Variants in SLC35F1 observed in about 807,000 individuals in gnomAD.
SLC35F1 encodes the protein chromosome 6 open reading frame 169.
SLC35F1 carries 14 observed loss-of-function variants against 48.7 expected under a neutral mutation model. That is an observed-to-expected ratio of 0.29 (90% confidence interval 0.19 to 0.45). The LOEUF (loss-of-function observed/expected upper bound fraction) is 0.45. Ranked by LOEUF, SLC35F1 falls within the 20% of genes least tolerant of loss-of-function variation. SLC35F1 has a pLI of 1.00. For synonymous variants in SLC35F1, 190 were observed against 202.2 expected, an observed-to-expected ratio of 0.94 and a Z score of 0.51; for missense variants, 404 against 500.0, an observed-to-expected ratio of 0.81 and a Z score of 1.83.
rs975062333 is a variant in SLC35F1, at chr6:117,942,204, A to T, written c.173+34305A>T. On this transcript the variant is annotated intron_variant, in intron 1 of 7. Coordinates refer to ENST00000360388, the MANE Select transcript of SLC35F1 (RefSeq NM_001029858.4). ...TGGTGGTAGAGTGGGCTTGAATTCG[A>T]GTCTCACTGACACCAAGGCCCATGC... Among the ~76,000 whole-genome samples the T allele has an allele frequency of 5.9e-5, 9 of 152,150 alleles. No homozygotes were observed. The South Asian group carries it at 1.7e-3, about 28-fold the overall frequency.
chr6:118,137,945 T>C (rs11755798), intron 1 of SLC35F1, among the ~76,000 whole-genome samples: 55,843 of 151,986 alleles, frequency 0.37, 10,760 homozygotes, highest in Non-Finnish European at 0.43. Flanking sequence ...GGGATACTTC[T>C]GGGAGCATTT....
At chr6:118,291,716 C>T (rs430538) in intron 7 of SLC35F1, among the ~76,000 whole-genome samples, 17,694 of 152,098 alleles carry the variant, frequency 0.12, 1,383 homozygotes, top group African/African-American at 0.22. Flanking sequence ...TGGCATTGCT[C>T]TAAAGGGATA....
chr6:118,114,226 A>G (rs915914481), intron 1 of SLC35F1, among the ~76,000 whole-genome samples: 1 of 152,182 alleles, frequency 6.6e-6, no homozygotes, highest in African/African-American at 2.4e-5. Flanking sequence ...CCAAACACTT[A>G]ACCACTATAC....
chr6:118,235,703 CT>C, intron 3 of SLC35F1, 67 bp downstream of exon 3: 1 of 1,536,996 alleles, frequency 6.5e-7, no homozygotes, highest in South Asian at 1.2e-5. Context: ...CAGTTTAGTC[CT>C]TGAAAATCTC....
At chr6:118,163,535 A>G (rs1284315645) in intron 2 of SLC35F1, among the ~76,000 whole-genome samples, 1 of 152,182 alleles carries the variant, frequency 6.6e-6, no homozygotes, top group Non-Finnish European at 1.5e-5. Flanking sequence ...TTTAAACAGC[A>G]TATAAGCTCA....
chr6:118,297,029 C>T (rs1042404001), intron 7 of SLC35F1, among the ~76,000 whole-genome samples: 6 of 152,054 alleles, frequency 3.9e-5, no homozygotes, highest in African/African-American at 1.4e-4. Context: ...TGAAGCAGAA[C>T]CACTACTCTA....
intron 2 of SLC35F1, among the ~76,000 whole-genome samples, chr6:118,223,079 AG>A (rs1775171681): frequency 6.6e-6 from 1 of 152,244 alleles, no homozygotes; most frequent in Non-Finnish European, 1.5e-5. Flanking sequence ...ATTTTCAGTT[AG>A]AAATGCTGCA....
intron 2 of SLC35F1, among the ~76,000 whole-genome samples, chr6:118,172,107 T>A (rs548900420): frequency 2.0e-5 from 3 of 152,016 alleles, no homozygotes; most frequent in South Asian, 2.1e-4. Context: ...CAGGGCATCA[T>A]GTAAGCCAGA....
intron 2 of SLC35F1, among the ~76,000 whole-genome samples, chr6:118,155,524 G>A (rs765198168): frequency 5.9e-5 from 9 of 152,098 alleles, no homozygotes; most frequent in Non-Finnish European, 1.0e-4. Flanking sequence ...AGGATGCCGC[G>A]AAAAGGCCCT....
chr6:117,925,706 C>T (rs1019441008), intron 1 of SLC35F1, among the ~76,000 whole-genome samples: 2 of 152,018 alleles, frequency 1.3e-5, no homozygotes, highest in Non-Finnish European at 2.9e-5. Context: ...CAAGGAAGAG[C>T]AGGGGCAGGT....
At chr6:118,222,004 C>G (rs1775158010) in intron 2 of SLC35F1, among the ~76,000 whole-genome samples, 1 of 151,876 alleles carries the variant, frequency 6.6e-6, no homozygotes. Context: ...CAAATATGGT[C>G]TGCACATTAC....
chr6:118,026,033 G>A (rs1045711829), intron 1 of SLC35F1, among the ~76,000 whole-genome samples: 3 of 152,124 alleles, frequency 2.0e-5, no homozygotes, highest in East Asian at 1.9e-4. Context: ...TGGGAGATTC[G>A]AGGATGATTC....
intron 1 of SLC35F1, among the ~76,000 whole-genome samples, chr6:118,050,012 A>G (rs1190494802): frequency 2.0e-5 from 3 of 152,202 alleles, no homozygotes; most frequent in Non-Finnish European, 2.9e-5. Context: ...TGGCACATAT[A>G]CACCATGGAA....
rs1776446218 is a variant in SLC35F1, at chr6:118,317,012, T to G, written c.*2760T>G. The G allele has an allele frequency of 6.5e-6, 1 of 152,684 alleles. No individual in the cohort carries two copies. The highest frequency in any genetic ancestry group is 2.4e-5 in the African/African-American group (1 of 41,458). The allele number at this position is 152,684 out of a possible 1,614,324, so 9.5% of individuals were successfully genotyped here. A position where few individuals can be genotyped will look rare whatever the true frequency, so the allele number is the denominator to read the frequency against. Reference sequence around the variant, plus strand: ...AAATGGGAGTAGGACAACATTAACTTTAGCTGTTTTAGTTTCTGAGATTTC... The same window carrying G: ...AAATGGGAGTAGGACAACATTAACTGTAGCTGTTTTAGTTTCTGAGATTTC... On this transcript the variant is annotated 3_prime_UTR_variant, in exon 8 of 8. Coordinates refer to ENST00000360388, the MANE Select transcript of SLC35F1 (RefSeq NM_001029858.4).
intron 7 of SLC35F1, among the ~76,000 whole-genome samples, chr6:118,310,530 AT>A (rs1177638701): frequency 6.6e-6 from 1 of 152,184 alleles, no homozygotes; most frequent in African/African-American, 2.4e-5. Flanking sequence ...TTTTAAAAAA[AT>A]AAAACCTTTC....
At chr6:117,933,160 C>T (rs1216259716) in intron 1 of SLC35F1, among the ~76,000 whole-genome samples, 2 of 152,150 alleles carry the variant, frequency 1.3e-5, no homozygotes, top group Admixed American at 6.5e-5. Flanking sequence ...TCCTTTCTTA[C>T]ACTTTTCACT....
At chr6:118,191,506 A>G (rs909528682) in intron 2 of SLC35F1, among the ~76,000 whole-genome samples, 2 of 152,178 alleles carry the variant, frequency 1.3e-5, no homozygotes, top group South Asian at 2.1e-4. Context: ...AAGCATTCCA[A>G]TGGGTGTACA....
intron 2 of SLC35F1, among the ~76,000 whole-genome samples, chr6:118,188,027 A>G (rs1774682989): frequency 6.6e-6 from 1 of 152,214 alleles, no homozygotes; most frequent in South Asian, 2.1e-4. Context: ...ATGTGTAACT[A>G]TCTTTAACTT....
chr6:118,238,076 C>T (rs1003534008), intron 3 of SLC35F1, among the ~76,000 whole-genome samples: 1 of 152,158 alleles, frequency 6.6e-6, no homozygotes, highest in Non-Finnish European at 1.5e-5. Flanking sequence ...TTTCCCACTA[C>T]AGATGTCCCA....
Sources: allele counts gnomAD v4.1 joint callset (sites outside exome capture counted in the v4.1 genomes callset), GRCh38; gene constraint gnomAD v4.1.1; transcripts MANE v1.5; gene names NCBI Gene and HGNC (gene_info 2026-07-23, HGNC 2026-07-21).